Variants in MTCH2 observed in about 807,000 individuals in gnomAD.
MTCH2 encodes the protein mitochondrial carrier 2, also known as mitochondrial carrier homolog 2.
Under a neutral mutation model 50.6 loss-of-function variants are expected in MTCH2, and 25 were observed. The ratio of observed to expected loss-of-function variants is 0.49; its 90% CI spans 0.36 to 0.69. MTCH2 has a LOEUF of 0.69. MTCH2 is among the 30% of genes least tolerant of loss of function. The pLI is 0.00. For missense variants in MTCH2, 273 were observed against 384.4 expected, an observed-to-expected ratio of 0.71 and a Z score of 2.42; for synonymous variants, 106 against 132.0, an observed-to-expected ratio of 0.80 and a Z score of 1.35.
chr11:47,627,056 T>A (rs757910222), intron 10 of MTCH2, 24 bp downstream of exon 10: 1 of 1,549,456 alleles, frequency 6.5e-7, no homozygotes, highest in South Asian at 1.2e-5. Context: ...TCCTAGAAGG[T>A]TAAAAGGATT....
Position 47,631,693 on chromosome 11 carries a change from C to A in MTCH2, c.388G>T (p.Ala130Ser). 1 of 1,613,964 alleles carries A rather than the reference C, an allele frequency of 6.2e-7. No homozygotes were observed. The highest frequency in any genetic ancestry group is 1.1e-5 in the South Asian group (1 of 91,076). The change falls in exon 6 of 13, where the codon GCT becomes TCT. Residue 130 changes from alanine to serine, a missense_variant. This residue lies in a region of MTCH2 where 203 missense variants were observed against 244.3 expected (regional missense o/e 0.83). Coordinates refer to ENST00000302503, the MANE Select transcript of MTCH2 (RefSeq NM_014342.4). Reference sequence around the variant, plus strand: ...GTGATGAGGGTAGCAGCAGAACGAGCGATCATCTCTCGAGTTGTCTAGAAA... The same window carrying A: ...GTGATGAGGGTAGCAGCAGAACGAGAGATCATCTCTCGAGTTGTCTAGAAA... ...VIKETTREMI[A>S]RSAATLITHP...
chr11:47,631,171 G>T (rs925764399), intron 6 of MTCH2, 84 bp from the exon 7 acceptor site: 2 of 1,099,660 alleles, frequency 1.8e-6, no homozygotes, highest in African/African-American at 1.6e-5. Flanking sequence ...CACTTTGAGA[G>T]GCCGAGGTGG....
chr11:47,628,525 C>T (rs983938676), intron 9 of MTCH2, among the ~76,000 whole-genome samples: 3 of 152,136 alleles, frequency 2.0e-5, no homozygotes, highest in African/African-American at 7.2e-5. Context: ...TAATTTTTAG[C>T]TATATAATTG....
chr11:47,618,289 A>G lies in MTCH2; in HGVS notation c.*544T>C, dbSNP rs1377839435. The G allele has an allele frequency of 6.3e-6, 1 of 159,386 alleles. No homozygotes were observed. Among genetic ancestry groups the G allele is most frequent in the Non-Finnish European group, 1.4e-5 (1 of 73,636 alleles). The allele number at this position is 159,386 out of a possible 1,614,324, so 9.9% of individuals were successfully genotyped here. ...GATCCTCACACAGACTTTCTAGGGT[A>G]ATGTAGCAATGTACTGTCCTTTTCT... On this transcript the variant is annotated 3_prime_UTR_variant, in exon 13 of 13. Transcript: ENST00000302503.
Position 47,617,361 on chromosome 11 carries a change from AG to A in MTCH2, c.*1471del, listed in dbSNP as rs1210553440. ...TACTTAAAGATTTTTTGGGAGAAAA[AG>A]GTAGGCAGCAAACATTTTTATATTA... On this transcript the variant is annotated 3_prime_UTR_variant, in exon 13 of 13. Coordinates refer to ENST00000302503, the MANE Select transcript of MTCH2 (RefSeq NM_014342.4). 6.6e-6 allele frequency: 1 copy of A among 152,206 alleles called. No individual in the cohort carries two copies. Among genetic ancestry groups the A allele is most frequent in the Non-Finnish European group, 1.5e-5 (1 of 68,034 alleles). The allele number at this position is 152,206 out of a possible 1,614,324, so 9.4% of individuals were successfully genotyped here.
At chr11:47,635,481 C>G in intron 4 of MTCH2, 64 bp downstream of exon 4, 2 of 1,560,586 alleles carry the variant, frequency 1.3e-6, no homozygotes, top group South Asian at 2.2e-5. Flanking sequence ...CCAAAAGAGG[C>G]CCCAAAAGCA....
In MTCH2 at chr11:47,642,446, T is replaced by G; in HGVS notation, c.20A>C (p.Gln7Pro). 6.3e-7 allele frequency: 1 copy of G among 1,597,000 alleles called. No homozygotes were observed. The highest frequency in any genetic ancestry group is 8.5e-7 in the Non-Finnish European group (1 of 1,173,304). The change falls in exon 1 of 13, where the codon CAG (glutamine) becomes CCG (proline). Residue 7 changes from glutamine to proline, a missense_variant. By Grantham distance (76) the Gln-to-Pro change is moderately conservative. This residue lies in a region of MTCH2 where 203 missense variants were observed against 244.3 expected (regional missense o/e 0.83). Coordinates refer to ENST00000302503, the MANE Select transcript of MTCH2 (RefSeq NM_014342.4). Reference protein sequence around the residue: MADAASQVLLGSGLTIL... With the variant: MADAASPVLLGSGLTIL... ...GGTGAGACCGGAGCCCAGGAGCACC[T>G]GACTGGCCGCGTCCGCCATGATGGC... is the stretch of plus-strand genomic sequence containing the variant.
intron 3 of MTCH2, among the ~76,000 whole-genome samples, chr11:47,637,991 T>A (rs1055598660): frequency 1.3e-5 from 2 of 152,212 alleles, no homozygotes; most frequent in Admixed American, 1.3e-4. Flanking sequence ...TTGTAAAGGT[T>A]AATAATTTTC....
Position 47,642,542 on chromosome 11 carries a change from A to AG in MTCH2, c.-78dup. 7.3e-7 allele frequency: 1 copy of AG among 1,360,576 alleles called. No homozygotes were observed. The highest frequency in any genetic ancestry group is 1.4e-5 in the South Asian group (1 of 71,480). The allele number at this position is 1,360,576 out of a possible 1,614,324, so 84.3% of individuals were successfully genotyped here. The stretch of plus-strand genomic sequence containing the variant: ...GTGAGCCGGTCCTAGGTCACGTGCC[A>AG]GGGCCGCCGGTTTCACTGGCCCGCC... On this transcript the variant is annotated 5_prime_UTR_variant, in exon 1 of 13. Transcript: ENST00000302503.
intron 6 of MTCH2, 64 bp downstream of exon 6, chr11:47,631,590 C>G: frequency 6.5e-7 from 1 of 1,535,648 alleles, no homozygotes. Flanking sequence ...CCACGTCAAC[C>G]TATCTAAGTG....
rs2097315212 is a variant in MTCH2, at chr11:47,642,417, G to A, written c.49C>T (p.Leu17=). ...TTCACGTACATGAGCGGCTGGGACAGGATGGTGAGACCGGAGCCCAGGAGC... is the reference window on the plus strand; with the variant it reads ...TTCACGTACATGAGCGGCTGGGACAAGATGGTGAGACCGGAGCCCAGGAGC... ...QVLLGSGLTI[L]SQPLMYVKVL... is the part of the protein sequence containing the mutation. Residue 17 remains leucine, a synonymous_variant, in exon 1 of 13, where the codon CTG becomes TTG. Coordinates refer to ENST00000302503, the MANE Select transcript of MTCH2 (RefSeq NM_014342.4). The A allele has an allele frequency of 6.2e-7, 1 of 1,609,774 alleles. No homozygotes were observed. Among genetic ancestry groups the A allele is most frequent in the Non-Finnish European group, 8.5e-7 (1 of 1,178,356 alleles).
chr11:47,615,948 C>A (rs1314608625), downstream of MTCH2, among the ~76,000 whole-genome samples: 5 of 151,952 alleles, frequency 3.3e-5, no homozygotes, highest in Admixed American at 2.0e-4. Context: ...CCCCAAAGTT[C>A]CAGGAAACCC....
chr11:47,616,041 C>A (rs1418582818), downstream of MTCH2, among the ~76,000 whole-genome samples: 1 of 152,122 alleles, frequency 6.6e-6, no homozygotes, highest in African/African-American at 2.4e-5. Context: ...TTACCGCAAC[C>A]TCCGCTTCCT....
At chr11:47,638,527 C>CA (rs1186261858) in intron 3 of MTCH2, among the ~76,000 whole-genome samples, 172 bp downstream of exon 3, 4 of 89,718 alleles carry the variant, frequency 4.5e-5, no homozygotes, top group Admixed American at 3.3e-4. Context: ...GCCTGGGCGA[C>CA]AGAGTGAGAC....
the MTCH2 span, among the ~76,000 whole-genome samples, chr11:47,609,561 A>C: frequency 7.6e-6 from 1 of 131,812 alleles, no homozygotes; most frequent in Non-Finnish European, 1.6e-5. Context: ...CGGGAGACGG[A>C]GGTTGCAGTG....
intron 5 of MTCH2, among the ~76,000 whole-genome samples, chr11:47,633,528 T>TATATA (rs34564448): frequency 6.9e-3 from 151 of 21,730 alleles, no homozygotes; most frequent in African/African-American, 0.017. Context: ...ATATATATAT[T>TATATA]TTTTTTTTTT....
At chr11:47,635,072 C>T (rs894831719) in intron 4 of MTCH2, among the ~76,000 whole-genome samples, 14 of 151,982 alleles carry the variant, frequency 9.2e-5, no homozygotes, top group African/African-American at 3.4e-4. Flanking sequence ...CATGGGCGGC[C>T]GATCTTGACG....
At position 47,618,163 on chromosome 11, in the gene MTCH2, T is replaced by C. The variant is rs2097289811; in HGVS notation, c.*670A>G. On this transcript the variant is annotated 3_prime_UTR_variant, in exon 13 of 13. Transcript: ENST00000302503. ...TTTCTTTGTTGTTGCTGACCCTTTATCTTATTTATTTTTTTTCAGGTAGCC... is the reference window on the plus strand; with the variant it reads ...TTTCTTTGTTGTTGCTGACCCTTTACCTTATTTATTTTTTTTCAGGTAGCC... 1.3e-5 allele frequency: 2 copies of C among 152,240 alleles called. No homozygotes were observed. The highest frequency in any genetic ancestry group is 4.8e-5 in the African/African-American group (2 of 41,478). The allele number at this position is 152,240 out of a possible 1,614,324, so 9.4% of individuals were successfully genotyped here.
chr11:47,639,397 T>C (rs2097311852), intron 1 of MTCH2, among the ~76,000 whole-genome samples: 1 of 152,244 alleles, frequency 6.6e-6, no homozygotes, highest in Non-Finnish European at 1.5e-5. Context: ...CTAAGGCACA[T>C]TTTGTATTTG....
Sources: gnomAD v4.1 joint callset for allele counts (sites outside exome capture counted in the v4.1 genomes callset) on GRCh38, gnomAD v4.1.1 for gene constraint, gnomAD v4.1.1 regional missense constraint, MANE v1.5 for transcripts, NCBI Gene and HGNC (gene_info 2026-07-23, HGNC 2026-07-21) for gene names.